FBXO42: variants seen among roughly 807,000 people sequenced by gnomAD.
FBXO42 encodes F-box protein 42, also known as F-box only protein 42.
FBXO42 carries 12 observed loss-of-function variants against 71.7 expected under a neutral mutation model. That is an observed-to-expected ratio of 0.17 (90% confidence interval 0.11 to 0.27). The LOEUF is 0.27. Among genes scored for constraint, FBXO42 ranks in the 10% least tolerant of loss-of-function variants. The pLI is 1.00. For missense variants in FBXO42, 707 were observed against 911.9 expected, an observed-to-expected ratio of 0.78 and a Z score of 2.89; for synonymous variants, 325 against 327.5, an observed-to-expected ratio of 0.99 and a Z score of 0.08.
chr1:16,272,047 C>A (rs1485513942), intron 4 of FBXO42, among the ~76,000 whole-genome samples: 1 of 146,552 alleles, frequency 6.8e-6, no homozygotes, highest in Non-Finnish European at 1.5e-5. Context: ...CCCAGCTACT[C>A]GAGAGGCTAA....
chr1:16,253,865 G>A, intron 6 of FBXO42, 134 bp from the exon 7 acceptor site: 1 of 731,990 alleles, frequency 1.4e-6, no homozygotes, highest in Non-Finnish European at 2.2e-6. Flanking sequence ...TGTGTGGGCT[G>A]GAGCAGGTTT....
intron 1 of FBXO42, among the ~76,000 whole-genome samples, chr1:16,317,999 T>C (rs76170720): frequency 0.027 from 4,047 of 152,222 alleles, 185 homozygotes; most frequent in African/African-American, 0.09. Flanking sequence ...GCAAAATTTA[T>C]GCTGTTACAA....
At chr1:16,277,098 T>C (rs1327631413) in intron 4 of FBXO42, among the ~76,000 whole-genome samples, 1 of 152,186 alleles carries the variant, frequency 6.6e-6, no homozygotes, top group Non-Finnish European at 1.5e-5. Context: ...AACTGGATTG[T>C]CTCATTCACA....
chr1:16,285,248 GA>G (rs911598064), intron 4 of FBXO42, among the ~76,000 whole-genome samples: 29 of 149,220 alleles, frequency 1.9e-4, no homozygotes, highest in East Asian at 7.8e-4. Context: ...TTCCTCAAAA[GA>G]AAAAAAAAAT....
intron 1 of FBXO42, among the ~76,000 whole-genome samples, chr1:16,351,085 T>C (rs1312860776): frequency 6.6e-6 from 1 of 152,186 alleles, no homozygotes; most frequent in Non-Finnish European, 1.5e-5. Context: ...TTCCCCCAAA[T>C]TTTCCTTGCC....
chr1:16,251,876 G>A lies in FBXO42; in HGVS notation c.1039-91C>T. ...ATTTTATCATGAGCATCTGTCATGT[G>A]CCAGACATTTTGTAGGTACCTGAGA... On this transcript the variant is annotated intron_variant, in intron 9 of 9. Coordinates refer to ENST00000375592, the MANE Select transcript of FBXO42 (RefSeq NM_018994.3). The surrounding 1 kb of genome is among the most constrained non-coding windows in gnomAD (Gnocchi z 4.5). 7 of 1,466,988 alleles carry A rather than the reference G, an allele frequency of 4.8e-6. No homozygotes were observed. Among genetic ancestry groups the A allele is most frequent in the Non-Finnish European group, 6.4e-6 (7 of 1,092,824 alleles). 90.9% of individuals were successfully genotyped at this position (1,466,988 alleles called of 1,614,324 possible). A position where few individuals can be genotyped will look rare whatever the true frequency, so the allele number is the denominator to read the frequency against.
intron 2 of FBXO42, among the ~76,000 whole-genome samples, chr1:16,313,454 A>AAC (rs1248757720): frequency 2.6e-5 from 4 of 152,208 alleles, no homozygotes; most frequent in Non-Finnish European, 5.9e-5. Flanking sequence ...ACAGTCCCTT[A>AAC]CCTGTGGTTT....
intron 1 of FBXO42, among the ~76,000 whole-genome samples, chr1:16,347,992 C>CAAAAA (rs541561756): frequency 1.5e-5 from 1 of 67,754 alleles, no homozygotes; most frequent in Admixed American, 1.7e-4. Context: ...GACTCCGTCT[C>CAAAAA]AAAAAAAAAA....
intron 4 of FBXO42, among the ~76,000 whole-genome samples, chr1:16,265,155 G>T (rs1057398517): frequency 6.6e-6 from 1 of 152,184 alleles, no homozygotes; most frequent in Non-Finnish European, 1.5e-5. Flanking sequence ...GTGAAATGGC[G>T]CAATCTCGGC....
At chr1:16,257,998 T>A (rs191984534) in intron 4 of FBXO42, among the ~76,000 whole-genome samples, 1,993 of 151,704 alleles carry the variant, frequency 0.013, 21 homozygotes, top group Non-Finnish European at 0.019. Context: ...CTTTTTTTTT[T>A]AAAATCTTTT....
chr1:16,283,331 G>A (rs2081984112), intron 4 of FBXO42, among the ~76,000 whole-genome samples: 2 of 152,036 alleles, frequency 1.3e-5, no homozygotes, highest in African/African-American at 2.4e-5. Flanking sequence ...ATGTGTGACT[G>A]AAAGGGAGGA....
At chr1:16,269,926 T>C (rs910085430) in intron 4 of FBXO42, among the ~76,000 whole-genome samples, 1 of 148,616 alleles carries the variant, frequency 6.7e-6, no homozygotes, top group Non-Finnish European at 1.5e-5. Context: ...AGTGGCTCAA[T>C]CTCACTGCAA....
chr1:16,310,986 C>CAAAG (rs1274531881), intron 2 of FBXO42, among the ~76,000 whole-genome samples: 1 of 149,212 alleles, frequency 6.7e-6, no homozygotes, highest in East Asian at 2.0e-4. Flanking sequence ...AACAAACAAA[C>CAAAG]AAACAAACAA....
At chr1:16,308,263 G>C (rs757644814) in intron 2 of FBXO42, among the ~76,000 whole-genome samples, 7 of 152,232 alleles carry the variant, frequency 4.6e-5, no homozygotes, top group South Asian at 2.1e-4. Flanking sequence ...TTACAGGCGT[G>C]AGCCACTGTG....
chr1:16,341,157 A>G (rs967448761), intron 1 of FBXO42, among the ~76,000 whole-genome samples: 4 of 152,252 alleles, frequency 2.6e-5, no homozygotes, highest in Admixed American at 6.5e-5. Context: ...AACCTTTTGC[A>G]TAAGAGAAAA....
chr1:16,310,162 C>CA (rs1557596163), intron 2 of FBXO42, among the ~76,000 whole-genome samples: 4 of 149,086 alleles, frequency 2.7e-5, no homozygotes, highest in Non-Finnish European at 5.9e-5. Flanking sequence ...CCACTGCACT[C>CA]CAGCCTGGGC....
At chr1:16,255,563 G>C (rs868210226) in intron 6 of FBXO42, 148 bp downstream of exon 6, 1 of 609,330 alleles carries the variant, frequency 1.6e-6, no homozygotes, top group South Asian at 2.1e-5. Flanking sequence ...ACAAACTCCT[G>C]ACCTCAGGTG....
chr1:16,254,046 C>A (rs996234915), intron 6 of FBXO42, among the ~76,000 whole-genome samples: 2 of 152,162 alleles, frequency 1.3e-5, no homozygotes, highest in African/African-American at 4.8e-5. Flanking sequence ...AATGAAGGGA[C>A]CTTTATAAAG....
intron 3 of FBXO42, among the ~76,000 whole-genome samples, chr1:16,298,153 G>T (rs777136685): frequency 2.5e-4 from 38 of 152,110 alleles, no homozygotes; most frequent in Admixed American, 6.6e-4. Context: ...TCGAACCCGG[G>T]AGGTGGAGGT....
Sources: gnomAD v4.1 joint callset for allele counts (sites outside exome capture counted in the v4.1 genomes callset) on GRCh38, gnomAD v4.1.1 for gene constraint, Gnocchi (gnomAD v3.1) non-coding constraint, MANE v1.5 for transcripts, NCBI Gene and HGNC (gene_info 2026-07-23, HGNC 2026-07-21) for gene names.